Variants in FRMPD4 observed in about 807,000 individuals in gnomAD.
The protein encoded by FRMPD4 is FERM and PDZ domain containing 4, also known as FERM and PDZ domain-containing protein 4.
Under a neutral mutation model 94.1 loss-of-function variants are expected in FRMPD4, and 22 were observed. That is an observed-to-expected ratio of 0.23 (90% CI 0.17 to 0.33). The LOEUF is 0.33. Among genes scored for constraint, FRMPD4 ranks in the 10% least tolerant of loss-of-function variants. FRMPD4 has a pLI of 1.00. For missense variants in FRMPD4, 1,111 were observed against 1,339.9 expected (o/e 0.83, Z 2.67); for synonymous variants, 631 against 548.6 (o/e 1.15, Z -2.10).
At chrX:12,137,270 C>T (rs1309843793), upstream of FRMPD4, among the ~76,000 whole-genome samples, 1 of 112,274 alleles carries the variant, frequency 8.9e-6, no homozygotes, top group Non-Finnish European at 1.9e-5. Flanking sequence ...TTAGATTTTG[C>T]AGATTGCTAT....
intron 1 of FRMPD4, among the ~76,000 whole-genome samples, chrX:12,243,838 G>A (rs900149290): frequency 1.4e-5 from 1 of 73,050 alleles, no homozygotes; most frequent in African/African-American, 5.8e-5. Flanking sequence ...GCAAAGCCCA[G>A]TTCTGTCGCC....
At chrX:12,316,178 G>A (rs770628827) in intron 1 of FRMPD4, among the ~76,000 whole-genome samples, 4 of 111,283 alleles carry the variant, frequency 3.6e-5, no homozygotes, top group Middle Eastern at 4.7e-3. Flanking sequence ...AGACAGTCTC[G>A]TTCTGTTGCC....
At chrX:12,230,954 TATATATAGTAA>T (rs1215719194) in intron 1 of FRMPD4, among the ~76,000 whole-genome samples, 1 of 73,488 alleles carries the variant, frequency 1.4e-5, no homozygotes, top group African/African-American at 6.0e-5. Context: ...AGTAATATAG[TATATATAGTAA>T]ATATATAGTA....
intron 3 of FRMPD4, among the ~76,000 whole-genome samples, chrX:11,933,532 A>G (rs2054133477): frequency 8.9e-6 from 1 of 112,735 alleles, no homozygotes; most frequent in African/African-American, 3.2e-5. Context: ...GTGTTATTTT[A>G]TTGCTGCAAA....
chrX:12,168,182 T>C (rs919059158), intron 1 of FRMPD4, among the ~76,000 whole-genome samples: 4 of 111,466 alleles, frequency 3.6e-5, no homozygotes, highest in African/African-American at 9.8e-5. Flanking sequence ...AGCCCATAGA[T>C]GAAAGGTGTC....
intron 8 of FRMPD4, among the ~76,000 whole-genome samples, chrX:12,693,096 C>A (rs887360255): frequency 1.8e-5 from 2 of 112,094 alleles, no homozygotes; most frequent in Admixed American, 1.9e-4. Context: ...ACAAAGTTAG[C>A]GAACTGTAAA....
At position 12,498,683 on chromosome X, in the gene FRMPD4, CAGGACGA is replaced by C; in HGVS notation, c.48_54del (p.Arg16SerfsTer14). ...CTTTTTTTTTTTTCTTTTCCAGCCACAGGACGAAGTCTTCAGGCTGGCCGCCTCCCTC... is the reference window on the plus strand; with the variant it reads ...CTTTTTTTTTTTTCTTTTCCAGCCACAGTCTTCAGGCTGGCCGCCTCCCTC... On this transcript the variant is annotated frameshift_variant, in exon 2 of 17. Transcript: ENST00000675598. LOFTEE classifies it high-confidence loss of function. 8.8e-7 allele frequency: 1 copy of C among 1,139,420 alleles called. No individual in the cohort carries two copies. 93.9% of individuals were successfully genotyped at this position (1,139,420 alleles called of 1,213,427 possible). A position where few individuals can be genotyped will look rare whatever the true frequency, so the allele number is the denominator to read the frequency against.
intron 1 of FRMPD4, among the ~76,000 whole-genome samples, chrX:12,212,404 C>G (rs1224104744): frequency 5.4e-5 from 6 of 110,283 alleles, no homozygotes; most frequent in African/African-American, 2.0e-4. Flanking sequence ...CTCTTTCCCT[C>G]CGAATGCAAT....
intron 1 of FRMPD4, among the ~76,000 whole-genome samples, chrX:12,354,926 T>C (rs1295966996): frequency 8.9e-6 from 1 of 112,303 alleles, no homozygotes; most frequent in Non-Finnish European, 1.9e-5. Context: ...GGGGAGAATA[T>C]TAGCAAATCT....
intron 4 of FRMPD4, among the ~76,000 whole-genome samples, chrX:12,653,815 T>G (rs1189309650): frequency 8.9e-6 from 1 of 112,049 alleles, no homozygotes; most frequent in African/African-American, 3.2e-5. Flanking sequence ...TTGCCCAGGC[T>G]GGGGTGCAAT....
chrX:12,455,199 A>C (rs1019412373), intron 1 of FRMPD4, among the ~76,000 whole-genome samples: 1 of 111,368 alleles, frequency 9.0e-6, no homozygotes, highest in African/African-American at 3.3e-5. Flanking sequence ...TTAAAAATAA[A>C]AGAAAAAAGC....
chrX:12,402,835 G>C (rs1314454136), intron 1 of FRMPD4, among the ~76,000 whole-genome samples: 1 of 112,081 alleles, frequency 8.9e-6, no homozygotes, highest in African/African-American at 3.2e-5. Flanking sequence ...AGAGGATGAA[G>C]TAACAAGGCA....
At chrX:12,480,543 G>T (rs1276779160) in intron 1 of FRMPD4, among the ~76,000 whole-genome samples, 2 of 111,313 alleles carry the variant, frequency 1.8e-5, no homozygotes, top group Admixed American at 9.5e-5. Context: ...GCATTCACCT[G>T]TGCTCTAGAC....
chrX:12,208,238 A>ACAGG (rs927031258), intron 1 of FRMPD4, among the ~76,000 whole-genome samples: 6 of 111,074 alleles, frequency 5.4e-5, no homozygotes, highest in Admixed American at 1.9e-4. Flanking sequence ...AAATTGCTAG[A>ACAGG]CAGGCAACAG....
rs1413579561 is a variant in FRMPD4, at chrX:12,609,356, G to A, written c.159-365G>A. Among the ~76,000 whole-genome samples, 4 of 111,848 alleles carry A rather than the reference G, an allele frequency of 3.6e-5. No homozygotes were observed. The East Asian group carries it at 1.1e-3, about 31-fold the overall frequency. On this transcript the variant is annotated intron_variant, in intron 2 of 16. Transcript: ENST00000675598. Reference sequence around the variant, plus strand: ...GTTAGCATGTGATTAGTGCTGTGGGGAACAAAGAAGTAGAAGGGCATAAAG... The same window carrying A: ...GTTAGCATGTGATTAGTGCTGTGGGAAACAAAGAAGTAGAAGGGCATAAAG...
intron 3 of FRMPD4, among the ~76,000 whole-genome samples, chrX:12,090,530 T>C (rs750155135): frequency 9.1e-6 from 1 of 109,860 alleles, no homozygotes; most frequent in Admixed American, 9.9e-5. Context: ...CCTGAGCAAA[T>C]GCTGAGGGAC....
chrX:12,224,705 CAT>C (rs1184352588), intron 1 of FRMPD4, among the ~76,000 whole-genome samples: 4 of 111,567 alleles, frequency 3.6e-5, no homozygotes, highest in Non-Finnish European at 5.6e-5. Flanking sequence ...AAGAATGGCA[CAT>C]GTCTTTTGTG....
In FRMPD4 at chrX:12,718,246, T is replaced by C. The variant is rs1344873923; in HGVS notation, c.3420T>C (p.Asp1140=). Residue 1140 remains aspartate (D), a synonymous_variant, in exon 16 of 17, where the codon GAT becomes GAC. Transcript: ENST00000675598. ...GAGCTCCTGATGGAGAAACCAGTGA[T>C]GGCTCAGGACTTGGTCAAGGGGACC... ...EEGAPDGETS[D]GSGLGQGDRF... 13 of 1,210,120 alleles carry C rather than the reference T, an allele frequency of 1.1e-5. No individual in the cohort carries two copies. Among genetic ancestry groups the C allele is most frequent in the Non-Finnish European group, 1.3e-5 (12 of 895,058 alleles).
chrX:12,073,345 A>G (rs943788862), intron 3 of FRMPD4, among the ~76,000 whole-genome samples: 2 of 111,940 alleles, frequency 1.8e-5, no homozygotes, highest in African/African-American at 6.5e-5. Flanking sequence ...TGCTGTTATA[A>G]CATGAAAATT....
Sources: allele counts gnomAD v4.1 joint callset (sites outside exome capture counted in the v4.1 genomes callset), GRCh38; gene constraint gnomAD v4.1.1; transcripts MANE v1.5; gene names NCBI Gene and HGNC (gene_info 2026-07-23, HGNC 2026-07-21).